Variants in HTR4 observed in about 807,000 individuals in gnomAD.
The protein encoded by HTR4 is 5-hydroxytryptamine receptor 4, also known as 5-hydroxytryptamine (serotonin) receptor 4, G protein-coupled.
In HTR4, 16 loss-of-function variants were observed where a neutral mutation model predicts 36.8. The ratio of observed to expected loss-of-function variants is 0.43; its 90% CI spans 0.29 to 0.66. The LOEUF is 0.66. Among genes scored for constraint, HTR4 ranks in the 30% least tolerant of loss-of-function variants. The probability of loss-of-function intolerance (pLI) is 0.13; values close to 1 mark genes in which losing one functional copy is unlikely to be tolerated. For missense variants in HTR4, 438 were observed against 490.9 expected (o/e 0.89, Z 1.02); for synonymous variants, 189 against 185.1 (o/e 1.02, Z -0.17).
At chr5:148,585,767 G>A (rs189845891) in intron 2 of HTR4, among the ~76,000 whole-genome samples, 122 of 152,198 alleles carry the variant, frequency 8.0e-4, no homozygotes, top group African/African-American at 2.6e-3. Context: ...TTTGTATACC[G>A]TCAGAAAGTA....
chr5:148,592,945 C>A (rs1222435453), intron 2 of HTR4, among the ~76,000 whole-genome samples: 1 of 151,984 alleles, frequency 6.6e-6, no homozygotes, highest in Non-Finnish European at 1.5e-5. Flanking sequence ...CTATGTTTTT[C>A]TCTTTAGAAG....
chr5:148,459,105 C>G (rs1280142890), intron 5 of HTR4, among the ~76,000 whole-genome samples: 1 of 152,106 alleles, frequency 6.6e-6, no homozygotes, highest in African/African-American at 2.4e-5. Context: ...GTAGAGCTGA[C>G]AGGATCTGCT....
chr5:148,566,914 C>T (rs1760465250), intron 2 of HTR4, among the ~76,000 whole-genome samples: 1 of 150,976 alleles, frequency 6.6e-6, no homozygotes. Flanking sequence ...TACTTTTTCC[C>T]AGTATTTCCC....
At chr5:148,561,542 T>C (rs1265715976) in intron 2 of HTR4, among the ~76,000 whole-genome samples, 2 of 152,218 alleles carry the variant, frequency 1.3e-5, no homozygotes, top group Non-Finnish European at 2.9e-5. Flanking sequence ...AGTCAACAGC[T>C]ACAGAGATAG....
At chr5:148,538,963 C>T (rs1442510511) in intron 4 of HTR4, among the ~76,000 whole-genome samples, 1 of 152,148 alleles carries the variant, frequency 6.6e-6, no homozygotes, top group East Asian at 1.9e-4. Flanking sequence ...GTCACCTCAC[C>T]TGACTTCAAC....
At chr5:148,491,860 C>T (rs931041791) in intron 6 of HTR4, among the ~76,000 whole-genome samples, 22 of 152,238 alleles carry the variant, frequency 1.4e-4, no homozygotes, top group African/African-American at 4.3e-4. Flanking sequence ...AGGACACCAG[C>T]GGTTGTTAAC....
intron 2 of HTR4, among the ~76,000 whole-genome samples, chr5:148,607,477 T>G (rs2127276097): frequency 6.6e-6 from 1 of 152,316 alleles, no homozygotes; most frequent in Non-Finnish European, 1.5e-5. Context: ...TATGGGTCTT[T>G]GTTGTTTTTA....
intron 5 of HTR4, chr5:148,520,981 C>A (rs754077204): frequency 2.9e-6 from 4 of 1,367,574 alleles, no homozygotes; most frequent in Non-Finnish European, 2.9e-6. Flanking sequence ...AAGAACAAGG[C>A]AGGACTAAGG....
chr5:148,455,994 G>C (rs1045395443), intron 5 of HTR4, among the ~76,000 whole-genome samples: 3 of 152,024 alleles, frequency 2.0e-5, no homozygotes, highest in Non-Finnish European at 4.4e-5. Context: ...AAATCCATGC[G>C]TAAGTGGACC....
intron 4 of HTR4, among the ~76,000 whole-genome samples, chr5:148,539,710 G>A (rs1384686267): frequency 6.6e-6 from 1 of 152,120 alleles, no homozygotes; most frequent in African/African-American, 2.4e-5. Flanking sequence ...TTATTGAAAA[G>A]TCAAAAAATG....
At chr5:148,649,661 A>G (rs1488489699) in intron 1 of HTR4, among the ~76,000 whole-genome samples, 2 of 152,198 alleles carry the variant, frequency 1.3e-5, no homozygotes, top group South Asian at 2.1e-4. Flanking sequence ...TCAACCTAGA[A>G]GTACAATTGC....
Position 148,482,444 on chromosome 5 carries a change from C to T in HTR4, c.*759G>A, listed in dbSNP as rs200987028. 4.1e-6 allele frequency: 4 copies of T among 985,636 alleles called. No homozygotes were observed. The highest frequency in any genetic ancestry group is 4.8e-6 in the Non-Finnish European group (4 of 830,104). The allele number at this position is 985,636 out of a possible 1,614,324, so 61.1% of individuals were successfully genotyped here. On this transcript the variant is annotated 3_prime_UTR_variant, in exon 7 of 7. Coordinates refer to ENST00000377888, the MANE Select transcript of HTR4 (RefSeq NM_000870.7). ...CAGCGGCCAGGACACCAGGAGGAAG[C>T]TATCTGTCTTCAGCTTCCCTCCAGA...
chr5:148,503,183 A>T (rs549088609), intron 6 of HTR4, among the ~76,000 whole-genome samples: 5 of 152,360 alleles, frequency 3.3e-5, no homozygotes, highest in East Asian at 1.9e-4. Context: ...TCCAAGACAC[A>T]TAATTGTCAG....
downstream of HTR4, chr5:148,481,515 G>A (rs201079723): frequency 1.7e-4 from 248 of 1,473,102 alleles, no homozygotes; most frequent in Non-Finnish European, 2.1e-4. Flanking sequence ...ACAGAATTAA[G>A]TCTTCATAGG....
chr5:148,624,091 G>T (rs980944484), intron 2 of HTR4, among the ~76,000 whole-genome samples: 1 of 152,126 alleles, frequency 6.6e-6, no homozygotes, highest in Non-Finnish European at 1.5e-5. Context: ...AGTCTTAGGG[G>T]TTTATGGTTA....
intron 4 of HTR4, among the ~76,000 whole-genome samples, 176 bp from the exon 5 acceptor site, chr5:148,523,522 A>G (rs1304955224): frequency 6.6e-6 from 1 of 151,816 alleles, no homozygotes; most frequent in Admixed American, 6.6e-5. Flanking sequence ...TAAGGAAATA[A>G]AAGAAAGAAT....
At chr5:148,463,147 T>C (rs534930009) in intron 5 of HTR4, among the ~76,000 whole-genome samples, 8 of 149,806 alleles carry the variant, frequency 5.3e-5, no homozygotes, top group Admixed American at 4.7e-4. Context: ...TTGCTTTGCT[T>C]TTCATTTCTT....
chr5:148,458,118 T>TATA (rs1561558934), intron 5 of HTR4, among the ~76,000 whole-genome samples: 3 of 53,286 alleles, frequency 5.6e-5, no homozygotes, highest in African/African-American at 9.0e-5. Context: ...TAAATAGATC[T>TATA]TAAAATATAA....
At chr5:148,526,882 T>C (rs902323557) in intron 4 of HTR4, among the ~76,000 whole-genome samples, 2 of 151,956 alleles carry the variant, frequency 1.3e-5, no homozygotes, top group African/African-American at 4.8e-5. Flanking sequence ...AGGGGTAGTA[T>C]GTAGGGGGAG....
Sources: gnomAD v4.1 joint callset for allele counts (sites outside exome capture counted in the v4.1 genomes callset) on GRCh38, gnomAD v4.1.1 for gene constraint, MANE v1.5 for transcripts, NCBI Gene and HGNC (gene_info 2026-07-23, HGNC 2026-07-21) for gene names.